The following L3MBTL4 variants were observed in gnomAD, a reference collection of about 807,000 sequenced individuals.
The protein encoded by L3MBTL4 is L3MBTL histone methyl-lysine binding protein 4.
A neutral mutation model predicts 84.5 loss-of-function variants in L3MBTL4; 70 were observed. The observed-to-expected ratio is 0.83, with a 90% CI of 0.68 to 1.01. The LOEUF (loss-of-function observed/expected upper bound fraction) is 1.01, where lower values mean the gene tolerates loss of function less well. Ranked by LOEUF, L3MBTL4 falls within the 50% of genes least tolerant of loss-of-function variation. L3MBTL4 has a pLI of 0.00. For synonymous variants in L3MBTL4, 274 were observed against 259.8 expected (o/e 1.05, Z -0.52); for missense variants, 715 against 754.8 (o/e 0.95, Z 0.62).
chr18:6,156,577 T>A (rs140640783), intron 13 of L3MBTL4, among the ~76,000 whole-genome samples: 4 of 152,302 alleles, frequency 2.6e-5, no homozygotes, highest in Non-Finnish European at 5.9e-5. Context: ...GTTAAATCTC[T>A]CTGAGAAAAA....
intron 14 of L3MBTL4, among the ~76,000 whole-genome samples, chr18:6,133,130 A>G (rs1271185257): frequency 1.3e-5 from 2 of 152,192 alleles, no homozygotes; most frequent in Non-Finnish European, 2.9e-5. Context: ...AAATACTACA[A>G]TGAGAGGGCA....
chr18:6,165,510 G>C (rs1385557524), intron 13 of L3MBTL4, among the ~76,000 whole-genome samples: 1 of 151,994 alleles, frequency 6.6e-6, no homozygotes, highest in Non-Finnish European at 1.5e-5. Flanking sequence ...AGCCAGAAGA[G>C]AGTGGGGGCC....
In L3MBTL4 at chr18:6,103,656, A is replaced by G. The variant is rs1274206056; in HGVS notation, c.1200-10128T>C. Among the ~76,000 whole-genome samples the G allele has an allele frequency of 2.6e-5, 4 of 152,240 alleles. No individual in the cohort carries two copies. The East Asian group carries it at 5.8e-4, about 22-fold the overall frequency. ...AAGTTCAATATACTGAATTTAAATG[A>G]AATTGTTAACAGTTTCCTGAATATG... On this transcript the variant is annotated intron_variant, in intron 14 of 18. Coordinates refer to ENST00000317931, the MANE Select transcript of L3MBTL4 (RefSeq NM_001330559.2).
chr18:6,032,695 T>C (rs549751671), intron 16 of L3MBTL4, among the ~76,000 whole-genome samples: 7 of 152,144 alleles, frequency 4.6e-5, no homozygotes, highest in Non-Finnish European at 7.4e-5. Flanking sequence ...TCTGACCCAG[T>C]AAACAATTCT....
chr18:6,051,428 A>G (rs2056834812), intron 16 of L3MBTL4, among the ~76,000 whole-genome samples: 1 of 152,032 alleles, frequency 6.6e-6, no homozygotes, highest in Non-Finnish European at 1.5e-5. Context: ...AATCCCAGCT[A>G]CTCAGGAGGC....
intron 4 of L3MBTL4, among the ~76,000 whole-genome samples, chr18:6,298,257 A>G (rs896975058): frequency 6.6e-6 from 1 of 152,038 alleles, no homozygotes; most frequent in African/African-American, 2.4e-5. Context: ...TTATAAATTT[A>G]TATTTATTTG....
intron 16 of L3MBTL4, among the ~76,000 whole-genome samples, chr18:6,061,690 A>T (rs1212324928): frequency 1.3e-5 from 2 of 151,724 alleles, no homozygotes; most frequent in Non-Finnish European, 2.9e-5. Flanking sequence ...TTTCTTTTCT[A>T]GTCTTCCTCT....
intron 1 of L3MBTL4, among the ~76,000 whole-genome samples, chr18:6,351,057 G>T (rs563210963): frequency 6.6e-6 from 1 of 152,068 alleles, no homozygotes; most frequent in Admixed American, 6.6e-5. Flanking sequence ...TTAGCCAAGT[G>T]TGGTGGCACG....
At chr18:6,071,758 AAAAAAAG>A (rs2057634587) in intron 16 of L3MBTL4, among the ~76,000 whole-genome samples, 2 of 140,200 alleles carry the variant, frequency 1.4e-5, no homozygotes, top group African/African-American at 5.7e-5. Context: ...AGAAAGAAAG[AAAAAAAG>A]AAAGAAAGAA....
At chr18:6,092,767 T>C (rs1320810512) in intron 15 of L3MBTL4, among the ~76,000 whole-genome samples, 2 of 152,264 alleles carry the variant, frequency 1.3e-5, no homozygotes, top group Non-Finnish European at 1.5e-5. Flanking sequence ...CACAAGGCTG[T>C]ACTTGCAGCT....
At chr18:6,122,231 T>C (rs2059554859) in intron 14 of L3MBTL4, among the ~76,000 whole-genome samples, 1 of 152,170 alleles carries the variant, frequency 6.6e-6, no homozygotes, top group African/African-American at 2.4e-5. Context: ...TATTAACTTG[T>C]ACAATAGACA....
intron 16 of L3MBTL4, among the ~76,000 whole-genome samples, chr18:5,992,216 C>T (rs576705388): frequency 1.5e-4 from 23 of 152,208 alleles, no homozygotes; most frequent in Middle Eastern, 3.4e-3. Flanking sequence ...TGAGGAGCCC[C>T]GGGAGGGGAG....
chr18:6,208,370 C>G (rs541553120), intron 12 of L3MBTL4, among the ~76,000 whole-genome samples: 4 of 152,172 alleles, frequency 2.6e-5, no homozygotes, highest in Non-Finnish European at 5.9e-5. Flanking sequence ...AACAATTTCT[C>G]TTGGTCATGA....
chr18:6,002,584 T>C (rs935944327), intron 16 of L3MBTL4, among the ~76,000 whole-genome samples: 6 of 152,110 alleles, frequency 3.9e-5, no homozygotes, highest in Non-Finnish European at 8.8e-5. Flanking sequence ...GGAATTTTTG[T>C]ATGCTATTGA....
chr18:6,122,371 A>C (rs1380335753), intron 14 of L3MBTL4, among the ~76,000 whole-genome samples: 1 of 152,122 alleles, frequency 6.6e-6, no homozygotes. Context: ...CCCCACCCAA[A>C]TCTCATCTTG....
intron 1 of L3MBTL4, among the ~76,000 whole-genome samples, chr18:6,398,898 G>C (rs2055394022): frequency 6.6e-6 from 1 of 152,098 alleles, no homozygotes; most frequent in Admixed American, 6.5e-5. Context: ...GGATCTGCCA[G>C]ACCTGGAAGC....
chr18:6,032,278 TA>T, intron 16 of L3MBTL4: 5 of 933,066 alleles, frequency 5.4e-6, no homozygotes, highest in African/African-American at 2.3e-5. Context: ...CACTCGGCCT[TA>T]AATTAAAAAA....
At chr18:6,114,220 T>C (rs995751965) in intron 14 of L3MBTL4, among the ~76,000 whole-genome samples, 4 of 152,210 alleles carry the variant, frequency 2.6e-5, no homozygotes, top group Non-Finnish European at 2.9e-5. Flanking sequence ...TTGAAGGAGA[T>C]AAGAGCAGGG....
At chr18:6,244,756 G>A (rs1599314547) in intron 5 of L3MBTL4, among the ~76,000 whole-genome samples, 168 bp from the exon 6 acceptor site, 2 of 152,278 alleles carry the variant, frequency 1.3e-5, no homozygotes, top group East Asian at 3.9e-4. Flanking sequence ...GGAGATGCTG[G>A]TCAAAGGGTA....
Sources: allele counts gnomAD v4.1 joint callset (sites outside exome capture counted in the v4.1 genomes callset), GRCh38; gene constraint gnomAD v4.1.1; transcripts MANE v1.5; gene names NCBI Gene and HGNC (gene_info 2026-07-23, HGNC 2026-07-21).